Variants in SYNE1 observed in about 807,000 individuals in gnomAD.
SYNE1 encodes spectrin repeat containing nuclear envelope protein 1.
A neutral mutation model predicts 1,111.0 loss-of-function variants in SYNE1; 616 were observed. That is an observed-to-expected ratio of 0.55 (90% CI 0.52 to 0.59). The LOEUF (loss-of-function observed/expected upper bound fraction) is 0.59. Among genes scored for constraint, SYNE1 ranks in the 20% least tolerant of loss-of-function variants. SYNE1 has a pLI of 0.00. For synonymous variants in SYNE1, 3,855 were observed against 3,825.8 expected, an observed-to-expected ratio of 1.01 and a Z score of -0.28; for missense variants, 10,006 against 10,417.0, an observed-to-expected ratio of 0.96 and a Z score of 1.72.
At chr6:152,538,957 G>A (rs941275255) in intron 4 of SYNE1, among the ~76,000 whole-genome samples, 4 of 152,090 alleles carry the variant, frequency 2.6e-5, no homozygotes, top group South Asian at 2.1e-4. Context: ...AAAGGCTAGC[G>A]CAGACACAAA....
At position 152,446,785 on chromosome 6, in the gene SYNE1, T is replaced by C. The variant is rs1041735748; in HGVS notation, c.3669+673A>G. On this transcript the variant is annotated intron_variant, in intron 29 of 145. Coordinates refer to ENST00000367255, the MANE Select transcript of SYNE1 (RefSeq NM_182961.4). The stretch of plus-strand genomic sequence containing the variant: ...ATGGTGGAAGTGGCCCTACTGGAAA[T>C]GAAGTAGATGCGTTTGTATATTTTA... 2.6e-5 allele frequency among the ~76,000 whole-genome samples: 4 copies of C among 152,174 alleles called. 1 individual carries two copies. The highest frequency in any genetic ancestry group is 4.1e-4 in the South Asian group (2 of 4,832).
chr6:152,175,128 G>A (rs2066110164), intron 130 of SYNE1, among the ~76,000 whole-genome samples: 1 of 152,172 alleles, frequency 6.6e-6, no homozygotes. Context: ...GGGAGGCAGA[G>A]GTTGCAGAGC....
At position 152,300,668 on chromosome 6, in the gene SYNE1, C is replaced by T; in HGVS notation, c.17655G>A (p.Val5885=). The T allele has an allele frequency of 6.2e-7, 1 of 1,614,154 alleles. No individual in the cohort carries two copies. The highest frequency in any genetic ancestry group is 8.5e-7 in the Non-Finnish European group (1 of 1,180,026). The change falls in exon 93 of 146, where the codon GTG becomes GTA. Residue 5885 remains valine (V), a synonymous_variant. Coordinates refer to ENST00000367255, the MANE Select transcript of SYNE1 (RefSeq NM_182961.4). ...GGTTAACAGAAGCATCTGTATTAGCCACAGGTGAAGGGGAGCGACAGGCAG... is the reference window on the plus strand; with the variant it reads ...GGTTAACAGAAGCATCTGTATTAGCTACAGGTGAAGGGGAGCGACAGGCAG... The part of the protein sequence containing the change: ...SPPACRSPSP[V]ANTDASVNQD...
chr6:152,287,516 T>A (rs776340998), intron 95 of SYNE1, among the ~76,000 whole-genome samples: 3 of 152,192 alleles, frequency 2.0e-5, no homozygotes, highest in Admixed American at 2.0e-4. Context: ...TTTTAATATA[T>A]ATTTTCCCAC....
chr6:152,533,045 C>G lies in SYNE1; in HGVS notation c.130-6870G>C, dbSNP rs78620299. Among the ~76,000 whole-genome samples the G allele has an allele frequency of 7.9e-3, 1,209 of 152,258 alleles. 22 individuals carry two copies. The highest frequency in any genetic ancestry group is 0.027 in the African/African-American group (1,137 of 41,542). ...AGTAAATCATGATTATAACCACTGA[C>G]AGTAGTCAAATAAAATTAATGTCCA... On this transcript the variant is annotated intron_variant, in intron 4 of 145. Transcript: ENST00000367255.
At chr6:152,561,787 G>T (rs2099396110) in intron 3 of SYNE1, among the ~76,000 whole-genome samples, 1 of 152,002 alleles carries the variant, frequency 6.6e-6, no homozygotes, top group African/African-American at 2.4e-5. Flanking sequence ...CTTTGAAAAA[G>T]GCATCAAGAA....
At chr6:152,205,404 C>T (rs1009334884) in intron 126 of SYNE1, among the ~76,000 whole-genome samples, 1 of 152,186 alleles carries the variant, frequency 6.6e-6, no homozygotes, top group Admixed American at 6.5e-5. Context: ...ATTAAGTCCT[C>T]ACAATGGCCA....
chr6:152,358,617 AT>A, intron 65 of SYNE1, 80 bp from the exon 66 acceptor site: 2 of 1,441,384 alleles, frequency 1.4e-6, no homozygotes, highest in Non-Finnish European at 1.9e-6. Flanking sequence ...CACTTTTGTA[AT>A]TTTAGAAAAG....
chr6:152,332,020 G>A, intron 77 of SYNE1, 130 bp from the exon 78 acceptor site: 1 of 1,331,398 alleles, frequency 7.5e-7, no homozygotes, highest in Non-Finnish European at 1.1e-6. Flanking sequence ...TCCCAGGCTG[G>A]AGTGCAATGA....
At chr6:152,292,547 A>G (rs1309055694) in intron 95 of SYNE1, among the ~76,000 whole-genome samples, 1 of 152,224 alleles carries the variant, frequency 6.6e-6, no homozygotes, top group African/African-American at 2.4e-5. Flanking sequence ...TTATACTGAA[A>G]GATATATACT....
At chr6:152,604,990 AAGAAAGAAAGAAAGAAAGAGAG>A (rs1379779168) in intron 3 of SYNE1, among the ~76,000 whole-genome samples, 31 of 27,202 alleles carry the variant, frequency 1.1e-3, no homozygotes, top group Non-Finnish European at 1.3e-3. Flanking sequence ...GAAAGAAAGA[AAGAAAGAAAGAAAGAAAGAGAG>A]AGAGAGAGAG....
chr6:152,403,102 CAAG>C (rs1224641016), intron 46 of SYNE1, among the ~76,000 whole-genome samples: 1 of 152,008 alleles, frequency 6.6e-6, no homozygotes, highest in East Asian at 1.9e-4. Flanking sequence ...AGAGAAAGCA[CAAG>C]AAGAAGAAAG....
intron 3 of SYNE1, among the ~76,000 whole-genome samples, chr6:152,574,915 A>C (rs1265193756): frequency 6.6e-6 from 1 of 151,936 alleles, no homozygotes; most frequent in Non-Finnish European, 1.5e-5. Context: ...GTTTGTTTTT[A>C]ATTTTGTTTG....
chr6:152,421,495 A>C (rs1057250463), intron 39 of SYNE1, among the ~76,000 whole-genome samples: 31 of 152,084 alleles, frequency 2.0e-4, no homozygotes, highest in African/African-American at 7.0e-4. Flanking sequence ...TTGGGGGCTG[A>C]AGAGAGAAAA....
intron 93 of SYNE1, among the ~76,000 whole-genome samples, chr6:152,296,171 T>G (rs2094869983): frequency 6.6e-6 from 1 of 152,182 alleles, no homozygotes; most frequent in Non-Finnish European, 1.5e-5. Context: ...AATGATGAAT[T>G]TTCATCCCTT....
In SYNE1 at chr6:152,347,228, A is replaced by G. The variant is rs2154025733; in HGVS notation, c.11909T>C (p.Met3970Thr). The change falls in exon 73 of 146, where the codon ATG (methionine) becomes ACG (threonine). Residue 3970 changes from methionine to threonine, a missense_variant. Coordinates refer to ENST00000367255, the MANE Select transcript of SYNE1 (RefSeq NM_182961.4). ...TQQLAHHKAM[M>T]EEIAGFEDRL... The stretch of plus-strand genomic sequence containing the variant: ...GTCTTCAAAACCAGCAATTTCTTCC[A>G]TCATTGCCTGCAAAAGTGAAACCAA... The G allele has an allele frequency of 1.2e-6, 2 of 1,614,230 alleles. No individual in the cohort carries two copies. The highest frequency in any genetic ancestry group is 2.2e-5 in the East Asian group (1 of 44,890).
chr6:152,190,334 T>A (rs1463378294), intron 127 of SYNE1, among the ~76,000 whole-genome samples: 1 of 152,164 alleles, frequency 6.6e-6, no homozygotes. Flanking sequence ...ACCACTGAAG[T>A]CTTGAACCCC....
intron 133 of SYNE1, 87 bp downstream of exon 133, chr6:152,154,805 A>G: frequency 6.9e-7 from 1 of 1,456,148 alleles, no homozygotes. Flanking sequence ...CATGTGGTGA[A>G]CAGCTAGTTT....
intron 130 of SYNE1, chr6:152,167,704 A>G (rs1389398288): frequency 2.0e-6 from 1 of 512,432 alleles, no homozygotes; most frequent in Admixed American, 2.1e-5. Flanking sequence ...TTCAACTACA[A>G]AGCTGTGAAC....
Sources: allele counts gnomAD v4.1 joint callset (sites outside exome capture counted in the v4.1 genomes callset), GRCh38; gene constraint gnomAD v4.1.1; transcripts MANE v1.5; gene names NCBI Gene and HGNC (gene_info 2026-07-23, HGNC 2026-07-21).